RAD51B: variants seen among roughly 807,000 people sequenced by gnomAD.
RAD51B encodes the protein RAD51 paralog B.
In RAD51B, 38 loss-of-function variants were observed where a neutral mutation model predicts 42.2. That is an observed-to-expected ratio of 0.90 (90% confidence interval 0.70 to 1.18). The LOEUF (loss-of-function observed/expected upper bound fraction) is 1.18. Ranked by LOEUF, RAD51B falls within the 50% of genes most tolerant of loss-of-function variation. The pLI is 0.00. For missense variants in RAD51B, 373 were observed against 400.7 expected, an observed-to-expected ratio of 0.93 and a Z score of 0.59; for synonymous variants, 154 against 145.2, an observed-to-expected ratio of 1.06 and a Z score of -0.43.
At chr14:68,431,229 C>A (rs1253596257) in intron 9 of RAD51B, among the ~76,000 whole-genome samples, 4 of 152,160 alleles carry the variant, frequency 2.6e-5, no homozygotes, top group Non-Finnish European at 1.5e-5. Context: ...TGTTGTGTCT[C>A]TGCCAGGCTT....
intron 7 of RAD51B, among the ~76,000 whole-genome samples, chr14:68,238,553 C>T (rs1229630346): frequency 6.6e-6 from 1 of 152,230 alleles, no homozygotes; most frequent in East Asian, 1.9e-4. Flanking sequence ...AATCCCCCTT[C>T]CTTGGCCTCC....
chr14:68,540,304 C>T (rs909128566), intron 10 of RAD51B: 41 of 1,043,346 alleles, frequency 3.9e-5, no homozygotes, highest in Non-Finnish European at 4.5e-5. Flanking sequence ...GCAGACCACA[C>T]CACAACACTG....
chr14:67,898,304 C>T (rs979827453), intron 7 of RAD51B, among the ~76,000 whole-genome samples: 8 of 152,118 alleles, frequency 5.3e-5, no homozygotes, highest in South Asian at 2.1e-4. Context: ...GAAGACATTA[C>T]GCTAAATGAG....
At chr14:68,663,101 G>C (rs1245543300) in intron 11 of RAD51B, among the ~76,000 whole-genome samples, 1 of 152,162 alleles carries the variant, frequency 6.6e-6, no homozygotes, top group Non-Finnish European at 1.5e-5. Flanking sequence ...CGGAGTTTGA[G>C]ACCAGCCTGG....
chr14:68,610,986 CT>C (rs755514710), intron 10 of RAD51B: 68 of 701,088 alleles, frequency 9.7e-5, no homozygotes, highest in Non-Finnish European at 1.5e-4. Flanking sequence ...TAAATCTGAT[CT>C]TATTCTCTCA....
intron 10 of RAD51B, among the ~76,000 whole-genome samples, chr14:68,520,405 A>G (rs1459607070): frequency 2.0e-5 from 3 of 152,236 alleles, no homozygotes; most frequent in African/African-American, 7.2e-5. Flanking sequence ...CTGAGAGTCA[A>G]CCATATTGAT....
intron 4 of RAD51B, among the ~76,000 whole-genome samples, chr14:67,854,046 G>A (rs1301182922): frequency 6.6e-6 from 1 of 152,106 alleles, no homozygotes; most frequent in Non-Finnish European, 1.5e-5. Flanking sequence ...AAATCAGTTC[G>A]GTAGCCTTCT....
intron 10 of RAD51B, among the ~76,000 whole-genome samples, chr14:68,556,514 G>A (rs574915978): frequency 2.2e-4 from 33 of 152,138 alleles, no homozygotes; most frequent in African/African-American, 4.6e-4. Context: ...GGGAGAGAGC[G>A]GCCTGAGAAG....
At chr14:68,344,142 G>A (rs542247046) in intron 8 of RAD51B, among the ~76,000 whole-genome samples, 1 of 152,322 alleles carries the variant, frequency 6.6e-6, no homozygotes, top group South Asian at 2.1e-4. Flanking sequence ...GGAGTGATGG[G>A]AAGAGGGCCA....
chr14:68,479,568 T>A (rs1227152888), downstream of RAD51B, among the ~76,000 whole-genome samples: 1 of 152,046 alleles, frequency 6.6e-6, no homozygotes, highest in Non-Finnish European at 1.5e-5. Flanking sequence ...TCTTTAGTCC[T>A]CCAATCATAC....
chr14:67,884,947 T>G (rs1173497142), intron 5 of RAD51B, among the ~76,000 whole-genome samples: 2 of 151,966 alleles, frequency 1.3e-5, no homozygotes, highest in African/African-American at 4.8e-5. Flanking sequence ...CTCAGAACTC[T>G]AACTATTTAG....
chr14:67,931,843 G>A (rs1286203171), intron 7 of RAD51B, among the ~76,000 whole-genome samples: 1 of 152,098 alleles, frequency 6.6e-6, no homozygotes, highest in African/African-American at 2.4e-5. Flanking sequence ...TGTGTTGCTG[G>A]AGAATTATTA....
intron 10 of RAD51B, among the ~76,000 whole-genome samples, chr14:68,506,380 C>G (rs745752607): frequency 2.0e-5 from 3 of 152,198 alleles, no homozygotes; most frequent in Non-Finnish European, 4.4e-5. Context: ...AACACTCAGG[C>G]TCGGGGTAAA....
chr14:68,247,753 C>T (rs2080530457), intron 7 of RAD51B, among the ~76,000 whole-genome samples: 1 of 152,136 alleles, frequency 6.6e-6, no homozygotes, highest in Admixed American at 6.5e-5. Context: ...GCACATTTTC[C>T]TATTTAATAC....
chr14:67,999,457 A>G (rs893020541), intron 7 of RAD51B, among the ~76,000 whole-genome samples: 2 of 152,212 alleles, frequency 1.3e-5, no homozygotes, highest in African/African-American at 4.8e-5. Context: ...ATGACCTACA[A>G]GAGTGGACTG....
chr14:67,983,848 G>A lies in RAD51B; in HGVS notation c.756+96644G>A, dbSNP rs530076301. 6.6e-4 allele frequency among the ~76,000 whole-genome samples: 100 copies of A among 151,722 alleles called. No homozygotes were observed. In the Middle Eastern group the frequency reaches 0.031, roughly 47 times the overall value. On this transcript the variant is annotated intron_variant, in intron 7 of 10. Transcript: ENST00000471583. ...AAATTGTTAGGCATATCTCTTTATG[G>A]AAAACTACTTTGGTGATATAAAACC...
intron 7 of RAD51B, among the ~76,000 whole-genome samples, chr14:67,899,645 A>G (rs916385918): frequency 3.3e-5 from 5 of 152,228 alleles, no homozygotes; most frequent in African/African-American, 7.2e-5. Flanking sequence ...ACTGGAAAAA[A>G]TAAGTAGTCA....
chr14:68,339,016 G>A, intron 8 of RAD51B: 1 of 656,314 alleles, frequency 1.5e-6, no homozygotes, highest in Admixed American at 2.0e-5. Context: ...CATGGGGCAG[G>A]CAGGCAGAAG....
chr14:67,860,749 C>CT (rs1182090491), intron 4 of RAD51B, among the ~76,000 whole-genome samples: 1 of 152,092 alleles, frequency 6.6e-6, no homozygotes, highest in Non-Finnish European at 1.5e-5. Flanking sequence ...AATGCAGAGT[C>CT]TAAGTGGTGG....
Sources: gnomAD v4.1 joint callset for allele counts (sites outside exome capture counted in the v4.1 genomes callset) on GRCh38, gnomAD v4.1.1 for gene constraint, MANE v1.5 for transcripts, NCBI Gene and HGNC (gene_info 2026-07-23, HGNC 2026-07-21) for gene names.